The following MARCHF1 variants were observed in gnomAD, a reference collection of about 807,000 sequenced individuals.
The protein encoded by MARCHF1 is E3 ubiquitin-protein ligase MARCHF1.
A neutral mutation model predicts 54.2 loss-of-function variants in MARCHF1; 40 were observed. The ratio of observed to expected loss-of-function variants is 0.74; its 90% CI spans 0.57 to 0.96. The LOEUF is 0.96. MARCHF1 is among the 40% of genes least tolerant of loss of function. The probability of loss-of-function intolerance (pLI) is 0.00; values close to 1 mark genes in which losing one functional copy is unlikely to be tolerated. For missense variants in MARCHF1, 586 were observed against 656.5 expected, an observed-to-expected ratio of 0.89 and a Z score of 1.17; for synonymous variants, 236 against 236.3, an observed-to-expected ratio of 1.00 and a Z score of 0.01.
rs78385104 is a variant in MARCHF1 at position 164,285,819 on chromosome 4, T to TAAAA, written c.-323+98047_-323+98050dup. 4.6e-4 allele frequency among the ~76,000 whole-genome samples: 44 copies of TAAAA among 95,822 alleles called. No homozygotes were observed. The East Asian group carries it at 6.0e-3, about 13-fold the overall frequency. The allele number at this position is 95,822 out of a possible 152,430, so 62.9% of individuals were successfully genotyped here. On this transcript the variant is annotated intron_variant, in intron 1 of 9. Coordinates refer to ENST00000514618, the MANE Select transcript of MARCHF1 (RefSeq NM_001394959.1). The stretch of plus-strand genomic sequence containing the variant: ...TTGCTCCACCTTCTCTGTAGTTCTT[T>TAAAA]AAAAAAAAAAAAAAAAAAAAAAGGC...
At chr4:164,323,986 A>G (rs898253974) in intron 1 of MARCHF1, among the ~76,000 whole-genome samples, 1 of 151,914 alleles carries the variant, frequency 6.6e-6, no homozygotes, top group Non-Finnish European at 1.5e-5. Context: ...TTTTAGAAAG[A>G]CAGCATAACT....
intron 1 of MARCHF1, among the ~76,000 whole-genome samples, chr4:164,235,068 C>A (rs78163191): frequency 0.041 from 6,258 of 152,168 alleles, 402 homozygotes; most frequent in African/African-American, 0.14. Flanking sequence ...TTTCTCCTCA[C>A]ACTCATTAAA....
chr4:163,909,873 G>T (rs1169100572), intron 3 of MARCHF1, among the ~76,000 whole-genome samples: 1 of 152,130 alleles, frequency 6.6e-6, no homozygotes, highest in Non-Finnish European at 1.5e-5. Context: ...ATAAAAATGA[G>T]ATATGCTAGT....
At chr4:164,065,807 G>A (rs1335649088) in intron 2 of MARCHF1, among the ~76,000 whole-genome samples, 2 of 152,184 alleles carry the variant, frequency 1.3e-5, no homozygotes, top group Non-Finnish European at 2.9e-5. Context: ...GAGTTCAAAG[G>A]CCAAAGAACC....
At chr4:164,200,027 G>A (rs193098564) in intron 1 of MARCHF1, among the ~76,000 whole-genome samples, 6 of 152,202 alleles carry the variant, frequency 3.9e-5, no homozygotes, top group Admixed American at 3.9e-4. Flanking sequence ...GTTGCCTTTG[G>A]TTACTTTTCC....
At chr4:164,199,379 CG>C (rs1259528712) in intron 1 of MARCHF1, among the ~76,000 whole-genome samples, 3 of 152,172 alleles carry the variant, frequency 2.0e-5, no homozygotes, top group African/African-American at 4.8e-5. Flanking sequence ...GGGTGGCTCA[CG>C]CCTGTAATCC....
At chr4:163,682,741 C>T (rs1023716868) in intron 5 of MARCHF1, among the ~76,000 whole-genome samples, 5 of 152,092 alleles carry the variant, frequency 3.3e-5, no homozygotes, top group Admixed American at 1.3e-4. Flanking sequence ...AGGGGCTTTT[C>T]CCCCTTTGCT....
chr4:164,262,121 A>G (rs1458244120), intron 1 of MARCHF1, among the ~76,000 whole-genome samples: 1 of 148,186 alleles, frequency 6.7e-6, no homozygotes, highest in Non-Finnish European at 1.5e-5. Context: ...AAAAAAAAAA[A>G]AAAAGAATAG....
At chr4:164,051,912 GC>G (rs1754377017) in intron 2 of MARCHF1, among the ~76,000 whole-genome samples, 1 of 151,968 alleles carries the variant, frequency 6.6e-6, no homozygotes, top group African/African-American at 2.4e-5. Flanking sequence ...CTCCCACATA[GC>G]CCCCTCAAAA....
chr4:164,073,976 C>T (rs1044534073), intron 2 of MARCHF1, among the ~76,000 whole-genome samples: 2 of 151,882 alleles, frequency 1.3e-5, no homozygotes, highest in African/African-American at 2.4e-5. Flanking sequence ...AGCTAATTTT[C>T]GTTATTTTTA....
chr4:163,808,147 T>C (rs1748276786), intron 4 of MARCHF1, among the ~76,000 whole-genome samples: 7 of 152,226 alleles, frequency 4.6e-5, no homozygotes, highest in Admixed American at 4.6e-4. Context: ...TATCTCCAAC[T>C]AGGCAATGTA....
chr4:164,264,079 T>C lies in MARCHF1; in HGVS notation c.-323+119791A>G, dbSNP rs1434834037. 5.3e-5 allele frequency among the ~76,000 whole-genome samples: 8 copies of C among 152,184 alleles called. No homozygotes were observed. In the South Asian group the frequency reaches 1.0e-3, roughly 20 times the overall value. Reference sequence around the variant, plus strand: ...GCAGCACTGTTCACAATAGCAAAAGTATAGGATCAATCTAAATGCCCATCA... The same window carrying C: ...GCAGCACTGTTCACAATAGCAAAAGCATAGGATCAATCTAAATGCCCATCA... On this transcript the variant is annotated intron_variant, in intron 1 of 9. Transcript: ENST00000514618.
chr4:163,689,451 C>T (rs1744373033), intron 5 of MARCHF1, among the ~76,000 whole-genome samples: 1 of 152,038 alleles, frequency 6.6e-6, no homozygotes, highest in South Asian at 2.1e-4. Context: ...CTATATTGTC[C>T]AATGTGGAAA....
chr4:163,669,049 A>G (rs965207892), intron 5 of MARCHF1, among the ~76,000 whole-genome samples: 6 of 152,168 alleles, frequency 3.9e-5, no homozygotes, highest in African/African-American at 4.8e-5. Flanking sequence ...TGGTGCTTCA[A>G]GCTGAGTGAT....
intron 5 of MARCHF1, among the ~76,000 whole-genome samples, chr4:163,672,067 A>C (rs1743755517): frequency 6.6e-6 from 1 of 152,226 alleles, no homozygotes; most frequent in South Asian, 2.1e-4. Context: ...GAGGACTAAG[A>C]GTGCAGGCTC....
At chr4:163,633,801 C>T (rs1344255580) in intron 5 of MARCHF1, among the ~76,000 whole-genome samples, 1 of 152,002 alleles carries the variant, frequency 6.6e-6, no homozygotes. Context: ...TTGTCAGATT[C>T]ACCAAAGTTG....
At chr4:163,878,652 G>C (rs536293893) in intron 3 of MARCHF1, among the ~76,000 whole-genome samples, 1 of 151,898 alleles carries the variant, frequency 6.6e-6, no homozygotes, top group East Asian at 1.9e-4. Flanking sequence ...GAATGTAGGG[G>C]ACTCTCCCTT....
chr4:164,257,618 T>C (rs1268545493), intron 1 of MARCHF1, among the ~76,000 whole-genome samples: 1 of 151,908 alleles, frequency 6.6e-6, no homozygotes. Flanking sequence ...ACATATGATA[T>C]ATATCATGTA....
At position 163,767,098 on chromosome 4, in the gene MARCHF1, T is replaced by TAAAAAAAA. The variant is rs530799338; in HGVS notation, c.112-66243_112-66236dup. On this transcript the variant is annotated intron_variant, in intron 4 of 9. Transcript: ENST00000514618. ...TTTTTCAGATAAGGATACGGCGATG[T>TAAAAAAAA]AAAAAAAAAAAAAAAAAAAAAAGTC... Among the ~76,000 whole-genome samples, 330 of 106,656 alleles carry TAAAAAAAA rather than the reference T, an allele frequency of 3.1e-3. 4 individuals carry two copies. The highest frequency in any genetic ancestry group is 7.8e-3 in the East Asian group (28 of 3,596). The allele number at this position is 106,656 out of a possible 152,430, so 70.0% of individuals were successfully genotyped here.
Sources: gnomAD v4.1 joint callset for allele counts (sites outside exome capture counted in the v4.1 genomes callset) on GRCh38, gnomAD v4.1.1 for gene constraint, MANE v1.5 for transcripts, NCBI Gene and HGNC (gene_info 2026-07-23, HGNC 2026-07-21) for gene names.